Variants in FBXW2 observed in about 807,000 individuals in gnomAD.
The protein encoded by FBXW2 is F-box/WD repeat-containing protein 2.
In FBXW2, 12 loss-of-function variants were observed where a neutral mutation model predicts 46.0. The ratio of observed to expected loss-of-function variants is 0.26; its 90% confidence interval spans 0.17 to 0.42. FBXW2 has a LOEUF of 0.42. Ranked by LOEUF, FBXW2 falls within the 10% of genes least tolerant of loss-of-function variation. FBXW2 has a pLI of 1.00. For missense variants in FBXW2, 360 were observed against 537.0 expected, an observed-to-expected ratio of 0.67 and a Z score of 3.26; for synonymous variants, 203 against 209.6, an observed-to-expected ratio of 0.97 and a Z score of 0.27.
chr9:120,759,085 G>C lies in FBXW2; in HGVS notation c.*5474C>G, dbSNP rs1169625929. 6.6e-6 allele frequency: 1 copy of C among 152,118 alleles called. No homozygotes were observed. The highest frequency in any genetic ancestry group is 1.5e-5 in the Non-Finnish European group (1 of 68,024). 9.4% of individuals were successfully genotyped at this position (152,118 alleles called of 1,614,324 possible). A position where few individuals can be genotyped will look rare whatever the true frequency, so the allele number is the denominator to read the frequency against. On this transcript the variant is annotated 3_prime_UTR_variant, in exon 8 of 8. Transcript: ENST00000608872. ...ACAGAGCCACCTCAGATCACTCAAG[G>C]GGTTGTTCTATTTTCAAAAACACAC...
chr9:120,789,054 C>T (rs1007010381), intron 2 of FBXW2, among the ~76,000 whole-genome samples: 1 of 151,636 alleles, frequency 6.6e-6, no homozygotes, highest in Admixed American at 6.6e-5. Flanking sequence ...GAGGCCTGCA[C>T]AAATAAAGCA....
At chr9:120,767,573 G>A (rs1056831592) in intron 7 of FBXW2, among the ~76,000 whole-genome samples, 6 of 152,150 alleles carry the variant, frequency 3.9e-5, no homozygotes, top group African/African-American at 1.4e-4. Flanking sequence ...TTTCTACTTA[G>A]ATGACTCATA....
intron 3 of FBXW2, among the ~76,000 whole-genome samples, chr9:120,781,529 T>C (rs945578625): frequency 9.2e-5 from 14 of 151,840 alleles, no homozygotes; most frequent in Admixed American, 7.2e-4. Flanking sequence ...GGCTATATCA[T>C]GGAAAAAGGT....
intron 4 of FBXW2, among the ~76,000 whole-genome samples, chr9:120,777,442 A>G (rs943898211): frequency 3.3e-5 from 5 of 152,258 alleles, no homozygotes; most frequent in Admixed American, 6.5e-5. Context: ...AACAAGACAG[A>G]TAAGATCACT....
intron 2 of FBXW2, among the ~76,000 whole-genome samples, chr9:120,789,208 G>A (rs1261336557): frequency 6.6e-6 from 1 of 152,176 alleles, no homozygotes; most frequent in Admixed American, 6.5e-5. Flanking sequence ...CAGACTGGAC[G>A]CCAGTGCTCT....
chr9:120,792,782 A>T, intron 2 of FBXW2: 1 of 937,950 alleles, frequency 1.1e-6, no homozygotes, highest in Non-Finnish European at 1.5e-6. Flanking sequence ...CGTTTAGCAC[A>T]GTACTCGGCA....
At chr9:120,774,928 A>AC (rs1385277685) in intron 5 of FBXW2, among the ~76,000 whole-genome samples, 1 of 151,622 alleles carries the variant, frequency 6.6e-6, no homozygotes. Context: ...AGTTCTTTCC[A>AC]CCCGCTGGGC....
intron 2 of FBXW2, among the ~76,000 whole-genome samples, chr9:120,791,226 G>A (rs2044833652): frequency 6.6e-6 from 1 of 152,158 alleles, no homozygotes; most frequent in Admixed American, 6.5e-5. Context: ...CTCAGGAAAT[G>A]GGATTTCAAT....
intron 3 of FBXW2, among the ~76,000 whole-genome samples, chr9:120,779,212 T>C (rs2044560818): frequency 6.6e-6 from 1 of 152,254 alleles, no homozygotes; most frequent in Admixed American, 6.5e-5. Flanking sequence ...TTTCTGCCTC[T>C]GATGAAAATT....
rs1303342043 is a variant in FBXW2, at chr9:120,757,421, T to C, written c.*7138A>G. 6.6e-6 allele frequency: 1 copy of C among 152,176 alleles called. No homozygotes were observed. The allele number at this position is 152,176 out of a possible 1,614,324, so 9.4% of individuals were successfully genotyped here. Reference sequence around the variant, plus strand: ...TCTACTGGAACTTGTTCTAAGGAAATATGCACAAAGAAGTTCTCTGTAGTA... The same window carrying C: ...TCTACTGGAACTTGTTCTAAGGAAACATGCACAAAGAAGTTCTCTGTAGTA... On this transcript the variant is annotated 3_prime_UTR_variant, in exon 8 of 8. Transcript: ENST00000608872.
intron 6 of FBXW2, 40 bp from the exon 7 acceptor site, chr9:120,771,557 T>C (rs748524923): frequency 2.4e-4 from 375 of 1,558,850 alleles, no homozygotes; most frequent in Non-Finnish European, 3.1e-4. Flanking sequence ...AGAGATCACA[T>C]CACTACAGAA....
chr9:120,786,593 T>C (rs1439505136), intron 3 of FBXW2, among the ~76,000 whole-genome samples: 2 of 152,194 alleles, frequency 1.3e-5, no homozygotes, highest in Admixed American at 1.3e-4. Flanking sequence ...ATAATGACTA[T>C]TGATATATTT....
At position 120,762,951 on chromosome 9, in the gene FBXW2, C is replaced by T. The variant is rs1486302356; in HGVS notation, c.*1608G>A. The T allele has an allele frequency of 1.3e-5, 2 of 152,160 alleles. No homozygotes were observed. Among genetic ancestry groups the T allele is most frequent in the Admixed American group, 6.5e-5 (1 of 15,272 alleles). 9.4% of individuals were successfully genotyped at this position (152,160 alleles called of 1,614,324 possible). A position where few individuals can be genotyped will look rare whatever the true frequency, so the allele number is the denominator to read the frequency against. On this transcript the variant is annotated 3_prime_UTR_variant, in exon 8 of 8. Coordinates refer to ENST00000608872, the MANE Select transcript of FBXW2 (RefSeq NM_012164.4). The stretch of plus-strand genomic sequence containing the variant: ...TACTGCTTGCTCCCTCTACTCTCTC[C>T]CTGATTGTGACCACTAACATTTCCA...
intron 6 of FBXW2, among the ~76,000 whole-genome samples, chr9:120,772,336 T>C (rs2044395811): frequency 6.6e-6 from 1 of 151,700 alleles, no homozygotes; most frequent in Non-Finnish European, 1.5e-5. Flanking sequence ...CTACTAAAAA[T>C]ACAAAAATTA....
chr9:120,778,263 TA>T (rs34793838), intron 4 of FBXW2, 87 bp downstream of exon 4: 146,609 of 903,542 alleles, frequency 0.16, 1 homozygote, highest in East Asian at 0.28. Flanking sequence ...CAGGTTAAAT[TA>T]AAAAAAAAAA....
At chr9:120,776,247 A>T (rs765609847) in intron 4 of FBXW2, 21 bp from the exon 5 acceptor site, 57 of 1,609,218 alleles carry the variant, frequency 3.5e-5, no homozygotes, top group Non-Finnish European at 4.7e-5. Flanking sequence ...TAATTACACA[A>T]AGTTAAAACA....
chr9:120,782,409 G>A (rs2044634995), intron 3 of FBXW2, among the ~76,000 whole-genome samples: 1 of 151,812 alleles, frequency 6.6e-6, no homozygotes, highest in Non-Finnish European at 1.5e-5. Context: ...AGGTTGCAGT[G>A]AGCCAAAATT....
At position 120,787,959 on chromosome 9, in the gene FBXW2, A is replaced by G; in HGVS notation, c.300T>C (p.Thr100=). The change falls in exon 3 of 8, where the codon ACT becomes ACC. Residue 100 remains threonine (T), a synonymous_variant. Coordinates refer to ENST00000608872, the MANE Select transcript of FBXW2 (RefSeq NM_012164.4). ...VISACTEVWQ[T]ACKNLGWQID... The stretch of plus-strand genomic sequence containing the variant: ...TCTGCCAGCCCAAATTTTTACATGC[A>G]GTCTGCCACACCTCTGTACAGGCAC... 1.2e-6 allele frequency: 2 copies of G among 1,614,220 alleles called. No individual in the cohort carries two copies. The highest frequency in any genetic ancestry group is 8.5e-7 in the Non-Finnish European group (1 of 1,180,042).
intron 3 of FBXW2, among the ~76,000 whole-genome samples, chr9:120,784,676 T>C (rs939674480): frequency 2.0e-5 from 3 of 151,742 alleles, no homozygotes; most frequent in African/African-American, 7.3e-5. Context: ...TCCCAGCACT[T>C]TGGGAGGCCG....
Sources: gnomAD v4.1 joint callset for allele counts (sites outside exome capture counted in the v4.1 genomes callset) on GRCh38, gnomAD v4.1.1 for gene constraint, MANE v1.5 for transcripts, NCBI Gene and HGNC (gene_info 2026-07-23, HGNC 2026-07-21) for gene names.